The following FBXL7 variants were observed in gnomAD, a reference collection of about 807,000 sequenced individuals.
The protein encoded by FBXL7 is F-box and leucine rich repeat protein 7.
In FBXL7, 12 loss-of-function variants were observed where a neutral mutation model predicts 38.3. That is an observed-to-expected ratio of 0.31 (90% CI 0.20 to 0.51). The LOEUF is 0.51. Ranked by LOEUF, FBXL7 falls within the 20% of genes least tolerant of loss-of-function variation. The pLI is 0.98. For missense variants in FBXL7, 567 were observed against 676.4 expected (o/e 0.84, Z 1.79); for synonymous variants, 297 against 300.9 (o/e 0.99, Z 0.13).
At chr5:15,608,002 G>T (rs536737984) in intron 1 of FBXL7, among the ~76,000 whole-genome samples, 1 of 152,230 alleles carries the variant, frequency 6.6e-6, no homozygotes, top group African/African-American at 2.4e-5. Flanking sequence ...TTTAGCTATT[G>T]GTCAAATAAA....
chr5:15,934,654 A>G (rs1742129880), intron 3 of FBXL7, among the ~76,000 whole-genome samples: 1 of 152,188 alleles, frequency 6.6e-6, no homozygotes, highest in African/African-American at 2.4e-5. Flanking sequence ...CAACACAAAT[A>G]AAAGACATTA....
chr5:15,668,129 G>A (rs1417403600), intron 2 of FBXL7, among the ~76,000 whole-genome samples: 4 of 152,120 alleles, frequency 2.6e-5, no homozygotes, highest in Admixed American at 6.5e-5. Flanking sequence ...TCCAGCAGGG[G>A]CTCTAATCAG....
In FBXL7 at chr5:15,732,147, C is replaced by G. The variant is rs184172785; in HGVS notation, c.127+116075C>G. ...TTTAGTATTTAAAGGTTAGTTCTGG[C>G]AAAGTTAACCAAATAGCTCTTATGC... On this transcript the variant is annotated intron_variant, in intron 2 of 3. Transcript: ENST00000504595. 7.4e-4 allele frequency among the ~76,000 whole-genome samples: 112 copies of G among 152,330 alleles called. No homozygotes were observed. The South Asian group carries it at 0.01, about 14-fold the overall frequency.
chr5:15,653,867 G>A (rs1308293361), intron 2 of FBXL7, among the ~76,000 whole-genome samples: 1 of 152,168 alleles, frequency 6.6e-6, no homozygotes, highest in East Asian at 1.9e-4. Flanking sequence ...TACCAGTAAA[G>A]ACATGCACCT....
chr5:15,636,083 G>C (rs6886780), intron 2 of FBXL7, among the ~76,000 whole-genome samples: 3,624 of 150,944 alleles, frequency 0.024, 67 homozygotes, highest in Non-Finnish European at 0.04. Flanking sequence ...TGGGCAATGG[G>C]CTTGGCTTTG....
chr5:15,527,076 T>A (rs1737270513), intron 1 of FBXL7, among the ~76,000 whole-genome samples: 1 of 152,266 alleles, frequency 6.6e-6, no homozygotes. Flanking sequence ...TGACTTGTCC[T>A]TTTAGACCAG....
At position 15,936,915 on chromosome 5, in the gene FBXL7, C is replaced by T. The variant is rs1742210814; in HGVS notation, c.1205C>T (p.Thr402Ile). ...HGVEYLAKNC[T>I]KLKSLDIGKC... Reference sequence around the variant, plus strand: ...GTGGAGTACCTCGCCAAGAACTGCACCAAACTCAAATCCCTGGATATCGGC... The same window carrying T: ...GTGGAGTACCTCGCCAAGAACTGCATCAAACTCAAATCCCTGGATATCGGC... The change falls in exon 4 of 4, where the codon ACC becomes ATC. Residue 402 changes from threonine (T) to isoleucine (I), a missense_variant. Transcript: ENST00000504595. This position sits in a 1 kb window ranked among gnomAD's most constrained non-coding sequence, Gnocchi z 6.0. The T allele has an allele frequency of 5.6e-6, 9 of 1,614,056 alleles. No homozygotes were observed. In the East Asian group the frequency reaches 1.8e-4, roughly 32 times the overall value.
intron 3 of FBXL7, among the ~76,000 whole-genome samples, chr5:15,933,788 T>C (rs1742103746): frequency 6.6e-6 from 1 of 152,136 alleles, no homozygotes; most frequent in Non-Finnish European, 1.5e-5. Context: ...TTAGCACTTT[T>C]GTGAGGCTGC....
At chr5:15,651,308 G>C (rs1371578862) in intron 2 of FBXL7, among the ~76,000 whole-genome samples, 1 of 151,980 alleles carries the variant, frequency 6.6e-6, no homozygotes, top group Non-Finnish European at 1.5e-5. Context: ...ATGTTAGCCA[G>C]GATAGTCTCC....
At chr5:15,728,465 TTTTCTC>T (rs1388561823) in intron 2 of FBXL7, among the ~76,000 whole-genome samples, 5 of 152,154 alleles carry the variant, frequency 3.3e-5, no homozygotes, top group African/African-American at 1.2e-4. Context: ...CTTTGCAACT[TTTTCTC>T]TAAGTCTGTT....
chr5:15,553,082 A>G (rs564527438), intron 1 of FBXL7, among the ~76,000 whole-genome samples: 2 of 141,814 alleles, frequency 1.4e-5, no homozygotes, highest in Non-Finnish European at 3.1e-5. Flanking sequence ...CTCCATGTCA[A>G]AAAAAAAAAA....
chr5:15,575,940 A>G (rs1299743164), intron 1 of FBXL7, among the ~76,000 whole-genome samples: 1 of 152,176 alleles, frequency 6.6e-6, no homozygotes, highest in Non-Finnish European at 1.5e-5. Context: ...CTGGCCTTCA[A>G]AAATACATTC....
rs1743294970 is a variant in FBXL7, at chr5:15,695,141, G to A, written c.127+79069G>A. On this transcript the variant is annotated intron_variant, in intron 2 of 3. Transcript: ENST00000504595. ...TAATTAATAACTTTTTACTTTTAGA[G>A]TCAAAAGAAAGGAAAAGGAAAGATG... is the stretch of plus-strand genomic sequence containing the variant. Among the ~76,000 whole-genome samples, 3 of 152,116 alleles carry A rather than the reference G, an allele frequency of 2.0e-5. No homozygotes were observed. In the South Asian group the frequency reaches 6.2e-4, roughly 31 times the overall value.
chr5:15,804,480 A>C (rs1737653535), intron 2 of FBXL7, among the ~76,000 whole-genome samples: 1 of 152,150 alleles, frequency 6.6e-6, no homozygotes, highest in Non-Finnish European at 1.5e-5. Context: ...AAAATAAATA[A>C]ATAAATAATG....
At chr5:15,851,035 T>A (rs929206729) in intron 2 of FBXL7, among the ~76,000 whole-genome samples, 3 of 152,060 alleles carry the variant, frequency 2.0e-5, no homozygotes, top group Non-Finnish European at 4.4e-5. Context: ...TCATTCTCTT[T>A]CCTTTTGAAA....
chr5:15,882,673 G>C (rs1418511480), intron 2 of FBXL7, among the ~76,000 whole-genome samples: 1 of 152,130 alleles, frequency 6.6e-6, no homozygotes, highest in Non-Finnish European at 1.5e-5. Context: ...AAGCCAAATG[G>C]CCTTTAATGC....
intron 1 of FBXL7, among the ~76,000 whole-genome samples, chr5:15,612,356 C>T (rs750358068): frequency 2.0e-4 from 30 of 152,132 alleles, no homozygotes; most frequent in Non-Finnish European, 4.0e-4. Context: ...CTCAATGAAA[C>T]ATATGCACTT....
chr5:15,605,716 A>G (rs946453742), intron 1 of FBXL7, among the ~76,000 whole-genome samples: 4 of 152,228 alleles, frequency 2.6e-5, no homozygotes, highest in Non-Finnish European at 5.9e-5. Context: ...CCTTACAACA[A>G]TTACAATGGC....
At chr5:15,878,190 A>G (rs928102836) in intron 2 of FBXL7, among the ~76,000 whole-genome samples, 1 of 152,186 alleles carries the variant, frequency 6.6e-6, no homozygotes, top group African/African-American at 2.4e-5. Flanking sequence ...TTTTTGAACA[A>G]AGAACACTGC....
Sources: gnomAD v4.1 joint callset for allele counts (sites outside exome capture counted in the v4.1 genomes callset) on GRCh38, gnomAD v4.1.1 for gene constraint, Gnocchi (gnomAD v3.1) non-coding constraint, MANE v1.5 for transcripts, NCBI Gene and HGNC (gene_info 2026-07-23, HGNC 2026-07-21) for gene names.